Variants in GPC5 observed in about 807,000 individuals in gnomAD.
GPC5 encodes the protein glypican-5.
A neutral mutation model predicts 53.9 loss-of-function variants in GPC5; 47 were observed. The observed-to-expected ratio is 0.87, with a 90% CI of 0.69 to 1.11. The LOEUF is 1.11. Among genes scored for constraint, GPC5 ranks in the 50% most tolerant of loss-of-function variants. The pLI, the probability that GPC5 is intolerant of heterozygous loss-of-function variation, is 0.00. For synonymous variants in GPC5, 286 were observed against 263.3 expected (o/e 1.09, Z -0.84); for missense variants, 748 against 713.1 (o/e 1.05, Z -0.56).
intron 7 of GPC5, among the ~76,000 whole-genome samples, chr13:92,219,105 T>C (rs1040055371): frequency 5.3e-5 from 8 of 152,228 alleles, no homozygotes; most frequent in African/African-American, 1.7e-4. Flanking sequence ...TTTCTCCCAT[T>C]GTGTTGAGTA....
chr13:91,981,831 T>A (rs1438678745), intron 6 of GPC5, among the ~76,000 whole-genome samples: 1 of 152,216 alleles, frequency 6.6e-6, no homozygotes, highest in Non-Finnish European at 1.5e-5. Flanking sequence ...GACTGTTTTT[T>A]TATGTTCCAT....
intron 7 of GPC5, among the ~76,000 whole-genome samples, chr13:92,264,841 GTA>G (rs2042790578): frequency 6.9e-6 from 1 of 144,034 alleles, no homozygotes; most frequent in African/African-American, 2.6e-5. Flanking sequence ...TTTGTGTCTT[GTA>G]TATGTTTAGG....
intron 7 of GPC5, among the ~76,000 whole-genome samples, chr13:92,846,527 ACTG>A (rs1267141687): frequency 6.6e-6 from 1 of 152,202 alleles, no homozygotes; most frequent in Non-Finnish European, 1.5e-5. Flanking sequence ...ATCCACAATC[ACTG>A]CTGTATTTAT....
intron 7 of GPC5, among the ~76,000 whole-genome samples, chr13:92,631,535 T>C (rs1263214642): frequency 3.3e-5 from 5 of 152,144 alleles, no homozygotes; most frequent in African/African-American, 9.7e-5. Flanking sequence ...AGAAGAATAA[T>C]ATATTGTTCT....
chr13:91,696,400 T>C (rs2035880483), intron 3 of GPC5, among the ~76,000 whole-genome samples: 1 of 152,206 alleles, frequency 6.6e-6, no homozygotes, highest in Non-Finnish European at 1.5e-5. Context: ...TCTTTTTTAC[T>C]TATGGGAACA....
At chr13:92,348,583 A>G (rs959472456) in intron 7 of GPC5, among the ~76,000 whole-genome samples, 1 of 152,154 alleles carries the variant, frequency 6.6e-6, no homozygotes. Context: ...AATGGACCTA[A>G]CAGACATAAA....
rs375217039 is a variant in GPC5, at chr13:92,511,782, G to A, written c.1562-354500G>A. On this transcript the variant is annotated intron_variant, in intron 7 of 7. Transcript: ENST00000377067. The stretch of plus-strand genomic sequence containing the variant: ...TTGACATTTTCCATTGAGCAAGGGA[G>A]AAACTGCAATCATCAATCTGTATGA... 4.6e-5 allele frequency among the ~76,000 whole-genome samples: 7 copies of A among 152,262 alleles called. No individual in the cohort carries two copies. The South Asian group carries it at 8.3e-4, about 18-fold the overall frequency.
At chr13:92,077,496 A>T (rs1160611036) in intron 6 of GPC5, among the ~76,000 whole-genome samples, 2 of 152,134 alleles carry the variant, frequency 1.3e-5, no homozygotes, top group African/African-American at 4.8e-5. Flanking sequence ...CTTGAACTGG[A>T]GGTTGGCCCC....
intron 7 of GPC5, among the ~76,000 whole-genome samples, chr13:92,246,833 C>T (rs770977841): frequency 1.7e-4 from 26 of 152,128 alleles, no homozygotes; most frequent in Non-Finnish European, 3.2e-4. Flanking sequence ...TAATTTTCAA[C>T]ACTAATTTTT....
chr13:92,739,673 A>T (rs985254021), intron 7 of GPC5, among the ~76,000 whole-genome samples: 1 of 151,750 alleles, frequency 6.6e-6, no homozygotes, highest in Non-Finnish European at 1.5e-5. Flanking sequence ...TCTCTTCTGC[A>T]ACATCCCTAG....
intron 7 of GPC5, among the ~76,000 whole-genome samples, chr13:92,513,940 T>A (rs1880675355): frequency 6.6e-6 from 1 of 152,176 alleles, no homozygotes; most frequent in Non-Finnish European, 1.5e-5. Flanking sequence ...TTTCAGATTT[T>A]GAGCATTTTG....
chr13:91,873,427 G>C (rs2039169366), intron 5 of GPC5, among the ~76,000 whole-genome samples: 1 of 152,138 alleles, frequency 6.6e-6, no homozygotes, highest in African/African-American at 2.4e-5. Context: ...CCCACCTGTT[G>C]AGGGAGTAAC....
intron 7 of GPC5, among the ~76,000 whole-genome samples, chr13:92,272,112 A>C (rs1028592772): frequency 6.6e-6 from 1 of 152,190 alleles, no homozygotes; most frequent in African/African-American, 2.4e-5. Flanking sequence ...TCTCTAAACT[A>C]GTTAGTAAGT....
intron 2 of GPC5, among the ~76,000 whole-genome samples, chr13:91,670,874 A>C (rs755858282): frequency 4.3e-4 from 65 of 152,298 alleles, no homozygotes; most frequent in Non-Finnish European, 7.3e-4. Flanking sequence ...TTCTGTAATA[A>C]AACTGATAGA....
At chr13:92,252,383 C>T (rs74107158) in intron 7 of GPC5, among the ~76,000 whole-genome samples, 2,278 of 152,014 alleles carry the variant, frequency 0.015, 73 homozygotes, top group African/African-American at 0.052. Flanking sequence ...AAGCTCCCTG[C>T]GTAGATGCAG....
chr13:92,300,760 A>G (rs567828985), intron 7 of GPC5, among the ~76,000 whole-genome samples: 2 of 152,312 alleles, frequency 1.3e-5, no homozygotes, highest in South Asian at 4.1e-4. Context: ...CTTTTCTTCT[A>G]TCTCTAGTTT....
chr13:92,830,780 A>G (rs1269566438), intron 7 of GPC5, among the ~76,000 whole-genome samples: 2 of 152,178 alleles, frequency 1.3e-5, no homozygotes, highest in African/African-American at 4.8e-5. Flanking sequence ...CTATGAAATA[A>G]TAAGAAATTT....
At chr13:92,406,006 G>A (rs949885919) in intron 7 of GPC5, among the ~76,000 whole-genome samples, 1 of 152,148 alleles carries the variant, frequency 6.6e-6, no homozygotes, top group African/African-American at 2.4e-5. Context: ...TATAGATTAT[G>A]ACTAAAGTAT....
rs1216767975 is a variant in GPC5, at chr13:92,789,529, A to T, written c.1562-76753A>T. Among the ~76,000 whole-genome samples the T allele has an allele frequency of 2.0e-5, 3 of 152,130 alleles. No individual in the cohort carries two copies. The East Asian group carries it at 5.8e-4, about 29-fold the overall frequency. The stretch of plus-strand genomic sequence containing the variant: ...TTTATCATGTGTGAAACTGTCAAAC[A>T]CCATTCTATACACTTCACAAATATT... On this transcript the variant is annotated intron_variant, in intron 7 of 7. Transcript: ENST00000377067.
Sources: allele counts gnomAD v4.1 joint callset (sites outside exome capture counted in the v4.1 genomes callset), GRCh38; gene constraint gnomAD v4.1.1; transcripts MANE v1.5; gene names NCBI Gene and HGNC (gene_info 2026-07-23, HGNC 2026-07-21).